ANK1: variants seen among roughly 807,000 people sequenced by gnomAD.
ANK1 encodes the protein ankyrin-1.
In ANK1, 51 loss-of-function variants were observed where a neutral mutation model predicts 210.4. The observed-to-expected ratio is 0.24, with a 90% confidence interval of 0.19 to 0.31. The LOEUF is 0.31. ANK1 is among the 10% of genes least tolerant of loss of function. The pLI, the probability that ANK1 is intolerant of heterozygous loss-of-function variation, is 1.00. For missense variants in ANK1, 2,051 were observed against 2,504.4 expected, an observed-to-expected ratio of 0.82 and a Z score of 3.86; for synonymous variants, 967 against 1,025.9, an observed-to-expected ratio of 0.94 and a Z score of 1.10.
intron 34 of ANK1, 69 bp downstream of exon 34, chr8:41,688,442 G>T: frequency 6.4e-7 from 1 of 1,561,632 alleles, no homozygotes; most frequent in Non-Finnish European, 8.8e-7. Context: ...ACAGGGCTGC[G>T]GGGAGATGAG....
intron 17 of ANK1, among the ~76,000 whole-genome samples, chr8:41,707,001 G>A (rs1824772190): frequency 6.6e-6 from 1 of 152,228 alleles, no homozygotes; most frequent in Admixed American, 6.5e-5. Context: ...TTGGGTGGCT[G>A]AGGCAGGAGA....
rs1819701287 is a variant in ANK1 at position 41,692,977 on chromosome 8, C to A, written c.3630-101G>T. On this transcript the variant is annotated intron_variant, in intron 30 of 42. Coordinates refer to ENST00000289734, the MANE Select transcript of ANK1 (RefSeq NM_000037.4). ...GTGAGCCATACCATGGCTACTATTG[C>A]CACACCTGTGGTCACGGAGGCTTCC... 6 of 1,523,520 alleles carry A rather than the reference C, an allele frequency of 3.9e-6. No homozygotes were observed. The East Asian group carries it at 1.4e-4, about 34-fold the overall frequency. The allele number at this position is 1,523,520 out of a possible 1,614,324, so 94.4% of individuals were successfully genotyped here. A position where few individuals can be genotyped will look rare whatever the true frequency, so the allele number is the denominator to read the frequency against.
At chr8:41,766,765 G>A (rs1268108921) in intron 1 of ANK1, among the ~76,000 whole-genome samples, 1 of 152,232 alleles carries the variant, frequency 6.6e-6, no homozygotes, top group African/African-American at 2.4e-5. Context: ...AGAATCGAAG[G>A]GGACAGCGGC....
chr8:41,819,436 A>G (rs1803844764), intron 1 of ANK1, among the ~76,000 whole-genome samples: 1 of 152,200 alleles, frequency 6.6e-6, no homozygotes, highest in Admixed American at 6.5e-5. Flanking sequence ...GTTCATTCCC[A>G]CAGACAGACG....
chr8:41,806,815 C>T (rs1013335305), intron 1 of ANK1, among the ~76,000 whole-genome samples: 39 of 152,274 alleles, frequency 2.6e-4, no homozygotes, highest in African/African-American at 8.2e-4. Context: ...TTTTCCATGA[C>T]GATTGTCCAG....
upstream of ANK1, among the ~76,000 whole-genome samples, chr8:41,799,389 G>A (rs1195797312): frequency 6.6e-6 from 1 of 152,234 alleles, no homozygotes; most frequent in Non-Finnish European, 1.5e-5. Context: ...TCAGAACATA[G>A]CAAGTGCTCA....
chr8:41,712,041 C>T (rs1826293683), intron 16 of ANK1, among the ~76,000 whole-genome samples: 1 of 152,114 alleles, frequency 6.6e-6, no homozygotes. Flanking sequence ...TCTCCTGCCT[C>T]AGCCTCCCAA....
At chr8:41,790,339 G>A (rs1261660904) in intron 1 of ANK1, among the ~76,000 whole-genome samples, 1 of 152,034 alleles carries the variant, frequency 6.6e-6, no homozygotes, top group Admixed American at 6.6e-5. Flanking sequence ...TAAAGACGTG[G>A]TTTCACCATG....
chr8:41,839,335 A>AGTCAC (rs1808409043), intron 1 of ANK1, among the ~76,000 whole-genome samples: 1 of 152,262 alleles, frequency 6.6e-6, no homozygotes, highest in Admixed American at 6.5e-5. Context: ...AAGGAAACCC[A>AGTCAC]GTCACTTAGC....
intron 22 of ANK1, among the ~76,000 whole-genome samples, chr8:41,700,958 G>A (rs75161982): frequency 0.036 from 5,456 of 151,992 alleles, 171 homozygotes; most frequent in African/African-American, 0.09. Flanking sequence ...TGGAGAGACG[G>A]GGGTCTCCCT....
At chr8:41,756,277 C>T (rs1839131158) in intron 2 of ANK1, among the ~76,000 whole-genome samples, 1 of 151,550 alleles carries the variant, frequency 6.6e-6, no homozygotes, top group African/African-American at 2.4e-5. Context: ...TCCCAAATAG[C>T]TGGGACTATA....
At chr8:41,837,280 G>C (rs60822376) in intron 1 of ANK1, among the ~76,000 whole-genome samples, 1,892 of 152,204 alleles carry the variant, frequency 0.012, 46 homozygotes, top group African/African-American at 0.044. Flanking sequence ...ACTCAGTTCC[G>C]GGACAAAAGT....
chr8:41,693,832 C>T (rs1290445553), intron 29 of ANK1, 66 bp downstream of exon 29: 3 of 1,525,436 alleles, frequency 2.0e-6, no homozygotes, highest in Admixed American at 2.0e-5. Flanking sequence ...CTCGAGTCAC[C>T]CCCCTACTGT....
rs1826933016 is a variant in ANK1 at position 41,714,101 on chromosome 8, AAGGT to A, written c.1800+51_1800+54del. The A allele has an allele frequency of 3.3e-6, 4 of 1,218,048 alleles. No individual in the cohort carries two copies. The South Asian group carries it at 1.4e-4, about 41-fold the overall frequency. The allele number at this position is 1,218,048 out of a possible 1,614,324, so 75.5% of individuals were successfully genotyped here. On this transcript the variant is annotated intron_variant, in intron 16 of 42. Coordinates refer to ENST00000289734, the MANE Select transcript of ANK1 (RefSeq NM_000037.4). ...GAAACCCCCCTCCCTGAGGGACTGG[AAGGT>A]AGCAGGTGACCTGCTCTCCAGGGGC...
chr8:41,858,211 G>A (rs1812573837), intron 1 of ANK1, among the ~76,000 whole-genome samples: 1 of 152,146 alleles, frequency 6.6e-6, no homozygotes. Flanking sequence ...CAGCCTGGGT[G>A]ACAGCAAGAC....
At chr8:41,710,211 A>G (rs961207011) in intron 16 of ANK1, among the ~76,000 whole-genome samples, 4 of 152,184 alleles carry the variant, frequency 2.6e-5, no homozygotes, top group Non-Finnish European at 4.4e-5. Context: ...TTTGCTCATC[A>G]CTGCCGAAAA....
Position 41,663,112 on chromosome 8 carries a change from C to CTGTGTG in ANK1, c.5478+546_5478+547insCACACA, listed in dbSNP as rs763969947. On this transcript the variant is annotated intron_variant, in intron 40 of 42. Coordinates refer to ENST00000289734, the MANE Select transcript of ANK1 (RefSeq NM_000037.4). ...TGTGTGTGTGTGTCTCTCTCTCTCT[C>CTGTGTG]TCTGTGTGTGTGTGTGTGTGTGTGT... 1.4e-3 allele frequency among the ~76,000 whole-genome samples: 177 copies of CTGTGTG among 129,582 alleles called. 1 individual carries two copies. The highest frequency in any genetic ancestry group is 4.1e-3 in the African/African-American group (147 of 35,858). The allele number at this position is 129,582 out of a possible 152,430, so 85.0% of individuals were successfully genotyped here.
intron 1 of ANK1, among the ~76,000 whole-genome samples, chr8:41,891,419 G>T (rs1355466767): frequency 1.3e-5 from 2 of 152,210 alleles, no homozygotes; most frequent in Non-Finnish European, 2.9e-5. Flanking sequence ...GAGGTGACTT[G>T]CTCCAGGCTC....
rs191754291 is a variant in ANK1 at position 41,821,388 on chromosome 8, G to A, written c.127-63251C>T. 2.6e-5 allele frequency among the ~76,000 whole-genome samples: 4 copies of A among 152,226 alleles called. No homozygotes were observed. The East Asian group carries it at 5.8e-4, about 22-fold the overall frequency. Reference sequence around the variant, plus strand: ...GTACTTTGTTGTACTATAGTTATCTGTGTACGTGGTCATCTCCTTTATTAA... The same window carrying A: ...GTACTTTGTTGTACTATAGTTATCTATGTACGTGGTCATCTCCTTTATTAA... On this transcript the variant is annotated intron_variant, in intron 1 of 42. Coordinates refer to the ANK1 transcript ENST00000265709.
Sources: gnomAD v4.1 joint callset for allele counts (sites outside exome capture counted in the v4.1 genomes callset) on GRCh38, gnomAD v4.1.1 for gene constraint, MANE v1.5 for transcripts, NCBI Gene and HGNC (gene_info 2026-07-23, HGNC 2026-07-21) for gene names.